Variants in HMGN3 observed in about 807,000 individuals in gnomAD.
HMGN3 encodes the protein high mobility group nucleosome-binding domain-containing protein 3.
HMGN3 carries 6 observed loss-of-function variants against 18.8 expected under a neutral mutation model. The ratio of observed to expected loss-of-function variants is 0.32; its 90% confidence interval spans 0.18 to 0.63. HMGN3 has a LOEUF of 0.63. Ranked by LOEUF, HMGN3 falls within the 30% of genes least tolerant of loss-of-function variation. HMGN3 has a pLI of 0.79. For missense variants in HMGN3, 107 were observed against 114.2 expected, an observed-to-expected ratio of 0.94 and a Z score of 0.29; for synonymous variants, 40 against 36.5, an observed-to-expected ratio of 1.10 and a Z score of -0.35.
At chr6:79,223,921 T>C (rs1310569016) in intron 1 of HMGN3, among the ~76,000 whole-genome samples, 1 of 152,156 alleles carries the variant, frequency 6.6e-6, no homozygotes, top group African/African-American at 2.4e-5. Flanking sequence ...ACTTAGCTAC[T>C]TGTGTACTTA....
intron 1 of HMGN3, among the ~76,000 whole-genome samples, chr6:79,222,257 C>G (rs1777335075): frequency 6.6e-6 from 1 of 152,050 alleles, no homozygotes; most frequent in South Asian, 2.1e-4. Flanking sequence ...AAAATTATTA[C>G]TTTTATTGTT....
chr6:79,219,935 CCAAT>C (rs1777184199), intron 1 of HMGN3, among the ~76,000 whole-genome samples: 1 of 152,104 alleles, frequency 6.6e-6, no homozygotes, highest in Admixed American at 6.5e-5. Context: ...TTATAATTTA[CCAAT>C]CGCTGATTCT....
intron 2 of HMGN3, among the ~76,000 whole-genome samples, chr6:79,210,568 CAAT>C: frequency 6.6e-6 from 1 of 152,176 alleles, no homozygotes; most frequent in African/African-American, 2.4e-5. Context: ...CAGGGGCCCT[CAAT>C]AAGTGTTGAG....
At chr6:79,212,926 T>C (rs1776775007) in intron 2 of HMGN3, among the ~76,000 whole-genome samples, 1 of 152,204 alleles carries the variant, frequency 6.6e-6, no homozygotes, top group Non-Finnish European at 1.5e-5. Flanking sequence ...TGTGTTGATG[T>C]CCTGAAGACA....
intron 1 of HMGN3, chr6:79,233,943 C>T (rs1320998561): frequency 6.6e-6 from 1 of 152,548 alleles, no homozygotes; most frequent in Non-Finnish European, 1.5e-5. Flanking sequence ...TCCAGGCCGC[C>T]AGGCCCCGCC....
chr6:79,203,560 T>C lies in HMGN3; in HGVS notation c.147+20A>G. 6.2e-7 allele frequency: 1 copy of C among 1,604,850 alleles called. No individual in the cohort carries two copies. The highest frequency in any genetic ancestry group is 8.5e-7 in the Non-Finnish European group (1 of 1,172,618). The stretch of plus-strand genomic sequence containing the variant: ...TATTCATTGTTTAAAAAGCCAAAAG[T>C]GGGAAACAGCACTTCTTACCTTAGC... On this transcript the variant is annotated intron_variant, in intron 4 of 5. Transcript: ENST00000344726.
At chr6:79,202,105 T>C in intron 5 of HMGN3, 1 of 1,540,934 alleles carries the variant, frequency 6.5e-7, no homozygotes, top group South Asian at 1.2e-5. Flanking sequence ...GTGTGCTGGG[T>C]GGGGTGCCTC....
chr6:79,209,233 G>A lies in HMGN3; in HGVS notation c.67-657C>T, dbSNP rs904602482. ...AGAAAATTTACAGAGAAACTGTGTA[G>A]AAATTGATATTTTGGGGAAATCTTT... On this transcript the variant is annotated intron_variant, in intron 2 of 5. Coordinates refer to ENST00000344726, the Ensembl canonical transcript of HMGN3. Among the ~76,000 whole-genome samples the A allele has an allele frequency of 5.9e-5, 9 of 152,242 alleles. 1 individual carries two copies. In the South Asian group the frequency reaches 1.7e-3, roughly 28 times the overall value.
At chr6:79,216,945 C>T (rs1469383711) in intron 1 of HMGN3, among the ~76,000 whole-genome samples, 1 of 152,142 alleles carries the variant, frequency 6.6e-6, no homozygotes, top group African/African-American at 2.4e-5. Flanking sequence ...AGCAGCAGTA[C>T]ATAGCTATTA....
intron 3 of HMGN3, 149 bp from the exon 4 acceptor site, chr6:79,203,779 G>T: frequency 1.5e-6 from 1 of 657,830 alleles, no homozygotes; most frequent in Non-Finnish European, 2.7e-6. Flanking sequence ...TCAGCACCAG[G>T]TAACAGCATA....
intron 2 of HMGN3, among the ~76,000 whole-genome samples, chr6:79,209,606 A>G (rs1297552681): frequency 6.6e-6 from 1 of 152,190 alleles, no homozygotes; most frequent in African/African-American, 2.4e-5. Flanking sequence ...TTGCCTCATT[A>G]CAATAGCTTA....
intron 1 of HMGN3, among the ~76,000 whole-genome samples, chr6:79,225,084 C>T (rs1369573153): frequency 3.3e-5 from 5 of 152,322 alleles, no homozygotes; most frequent in Non-Finnish European, 1.5e-5. Flanking sequence ...TAAAGCTTCA[C>T]ATTTTGATAA....
chr6:79,213,436 C>G (rs1776798521), intron 2 of HMGN3, among the ~76,000 whole-genome samples: 1 of 151,794 alleles, frequency 6.6e-6, no homozygotes, highest in Non-Finnish European at 1.5e-5. Flanking sequence ...AATTTAAATG[C>G]CAGTCCCTAA....
intron 5 of HMGN3, 63 bp downstream of exon 6, chr6:79,202,000 C>A: frequency 6.8e-7 from 1 of 1,479,364 alleles, no homozygotes; most frequent in Non-Finnish European, 8.9e-7. Flanking sequence ...AAAAAAAAAC[C>A]ACCACACTAC....
intron 1 of HMGN3, among the ~76,000 whole-genome samples, chr6:79,222,811 T>G (rs558731658): frequency 6.6e-6 from 1 of 152,274 alleles, no homozygotes; most frequent in South Asian, 2.1e-4. Context: ...CAAATTACAT[T>G]GATTAAGGTC....
At position 79,215,147 on chromosome 6, in the gene HMGN3, T is replaced by C. The variant is rs1776909129; in HGVS notation, c.16-125A>G. On this transcript the variant is annotated intron_variant, in intron 1 of 5. Transcript: ENST00000344726. ...AACAGATTTTTTTGCAAAGAAAAAG[T>C]AAATTACAACAGGGTATGTCTTTTA... 1.4e-5 allele frequency: 9 copies of C among 621,324 alleles called. No individual in the cohort carries two copies. In the East Asian group the frequency reaches 2.3e-4, roughly 16 times the overall value. The allele number at this position is 621,324 out of a possible 1,614,324, so 38.5% of individuals were successfully genotyped here.
intron 4 of HMGN3, among the ~76,000 whole-genome samples, chr6:79,202,800 C>T (rs1001505885): frequency 6.6e-6 from 1 of 152,134 alleles, no homozygotes; most frequent in Non-Finnish European, 1.5e-5. Flanking sequence ...CAATGAACCC[C>T]TCACGTGGAG....
intron 3 of HMGN3, among the ~76,000 whole-genome samples, chr6:79,205,846 A>G (rs1024208256): frequency 1.3e-5 from 2 of 152,222 alleles, no homozygotes; most frequent in African/African-American, 4.8e-5. Flanking sequence ...TTTAACTAAA[A>G]TGCTTATAAT....
At chr6:79,206,318 T>G (rs1267909540) in intron 3 of HMGN3, among the ~76,000 whole-genome samples, 1 of 152,014 alleles carries the variant, frequency 6.6e-6, no homozygotes, top group Non-Finnish European at 1.5e-5. Context: ...GCCCAGAGTT[T>G]AGGAGGAAAA....
Sources: gnomAD v4.1 joint callset for allele counts (sites outside exome capture counted in the v4.1 genomes callset) on GRCh38, gnomAD v4.1.1 for gene constraint, MANE v1.5 for transcripts, NCBI Gene and HGNC (gene_info 2026-07-23, HGNC 2026-07-21) for gene names.